Variants in ACCS observed in about 807,000 individuals in gnomAD.
The protein encoded by ACCS is 1-aminocyclopropane-1-carboxylate synthase-like protein 1.
Under a neutral mutation model 59.8 loss-of-function variants are expected in ACCS, and 42 were observed. That is an observed-to-expected ratio of 0.70 (90% CI 0.55 to 0.91). The LOEUF (loss-of-function observed/expected upper bound fraction) is 0.91. ACCS is among the 40% of genes least tolerant of loss of function. The probability of loss-of-function intolerance (pLI) is 0.00; values close to 1 mark genes in which losing one functional copy is unlikely to be tolerated. For missense variants in ACCS, 602 were observed against 630.4 expected (o/e 0.95, Z 0.48); for synonymous variants, 230 against 240.3 (o/e 0.96, Z 0.40).
rs764329676 is a variant in ACCS, at chr11:44,075,504, C to A, written c.490-22C>A. ...ACTCCTGGAACTGGTTCATCTTCAT[C>A]CCTTGGATATGTCGCCCTTAGGTGG... On this transcript the variant is annotated intron_variant, in intron 5 of 14. Transcript: ENST00000263776. 52 of 1,612,994 alleles carry A rather than the reference C, an allele frequency of 3.2e-5. 1 individual carries two copies. In the Middle Eastern group the frequency reaches 4.9e-4, roughly 15 times the overall value.
At chr11:44,070,459 A>T (rs1487692611) in intron 2 of ACCS, among the ~76,000 whole-genome samples, 2 of 152,146 alleles carry the variant, frequency 1.3e-5, no homozygotes, top group African/African-American at 4.8e-5. Context: ...CAGCTTGCTT[A>T]CCAGGTCGTG....
intron 2 of ACCS, among the ~76,000 whole-genome samples, chr11:44,070,182 T>G (rs1348149329): frequency 6.6e-6 from 1 of 152,068 alleles, no homozygotes. Context: ...CAAAGTGGAA[T>G]AGGAGGTATT....
intron 4 of ACCS, 148 bp downstream of exon 4, chr11:44,073,665 C>A: frequency 1.4e-6 from 1 of 718,854 alleles, no homozygotes; most frequent in Non-Finnish European, 2.2e-6. Flanking sequence ...CTACAATGTA[C>A]AGGACAGCCC....
intron 7 of ACCS, chr11:44,077,634 C>G: frequency 7.0e-7 from 1 of 1,436,720 alleles, no homozygotes; most frequent in Non-Finnish European, 9.1e-7. Flanking sequence ...CAGGGTAGAC[C>G]TAAGCATGAC....
At chr11:44,070,090 T>C (rs1182404858) in intron 2 of ACCS, among the ~76,000 whole-genome samples, 1 of 152,018 alleles carries the variant, frequency 6.6e-6, no homozygotes, top group African/African-American at 2.4e-5. Context: ...GGGCAGGCGA[T>C]GGGGTCAGAA....
At chr11:44,081,133 T>C in intron 11 of ACCS, 46 bp from the exon 12 acceptor site, 4 of 1,614,164 alleles carry the variant, frequency 2.5e-6, no homozygotes, top group Admixed American at 1.7e-5. Flanking sequence ...GGAACCAGCT[T>C]CCTCCATGGA....
intron 4 of ACCS, 51 bp from the exon 5 acceptor site, chr11:44,074,561 C>T: frequency 7.0e-7 from 1 of 1,431,392 alleles, no homozygotes; most frequent in South Asian, 1.1e-5. Context: ...TCAGGATGCA[C>T]CGTGGGTTGG....
At chr11:44,068,050 C>G in intron 2 of ACCS, 135 bp downstream of exon 2, 1 of 979,604 alleles carries the variant, frequency 1.0e-6, no homozygotes, top group South Asian at 1.8e-5. Context: ...AAGAGGGCTT[C>G]TGATGTAGCT....
chr11:44,067,825 A>G lies in ACCS; in HGVS notation c.198A>G (p.Arg66=), dbSNP rs1952862665. The part of the protein sequence containing the change: ...ISSDTSYLSS[R]GRMIKWFWDS... ...CTGATACCTCCTACCTGTCCTCTAG[A>G]GGAAGAATGATTAAATGGTTCTGGG... Residue 66 remains arginine (R), a synonymous_variant, in exon 2 of 15, where the codon AGA becomes AGG. Coordinates refer to ENST00000263776, the MANE Select transcript of ACCS (RefSeq NM_032592.4). The G allele has an allele frequency of 6.2e-7, 1 of 1,614,088 alleles. No individual in the cohort carries two copies. Among genetic ancestry groups the G allele is most frequent in the Non-Finnish European group, 8.5e-7 (1 of 1,180,000 alleles).
At chr11:44,079,294 C>G in intron 9 of ACCS, 2 of 506,798 alleles carry the variant, frequency 3.9e-6, no homozygotes, top group East Asian at 3.4e-5. Flanking sequence ...ATGGAGGTGC[C>G]CGGGAGATCC....
At position 44,083,518 on chromosome 11, in the gene ACCS, G is replaced by A. The variant is rs1049267282; in HGVS notation, c.1349G>A (p.Cys450Tyr). ...VLLSFGKAFE[C>Y]KEPGWFRFVF... ...CTGTCCTTTGGCAAGGCCTTCGAGT[G>A]TAAAGAGCCTGGTTGGTTTCGCTTT... Residue 450 changes from cysteine to tyrosine, a missense_variant, in exon 14 of 15, where the codon TGT becomes TAT. Physicochemically the swap from Cys to Tyr is radical, Grantham distance 194. Transcript: ENST00000263776. The A allele has an allele frequency of 1.1e-5, 17 of 1,614,146 alleles. No homozygotes were observed. The East Asian group carries it at 3.3e-4, about 32-fold the overall frequency.
rs139890150 is a variant in ACCS, at chr11:44,080,297, C to T, written c.923+677C>T. Among the ~76,000 whole-genome samples the T allele has an allele frequency of 4.4e-3, 667 of 152,232 alleles. 1 individual carries two copies. Among genetic ancestry groups the T allele is most frequent in the African/African-American group, 0.015 (617 of 41,534 alleles). On this transcript the variant is annotated intron_variant, in intron 10 of 14. Coordinates refer to ENST00000263776, the MANE Select transcript of ACCS (RefSeq NM_032592.4). ...TCACCTTCAGGGGTTCTAACAGTTC[C>T]GGCTGTTTGTTCAGAACCTTCAGCC...
rs201536346 is a variant in ACCS, at chr11:44,083,513, C to T, written c.1344C>T (p.Phe448=). 13 of 1,614,106 alleles carry T rather than the reference C, an allele frequency of 8.1e-6. No homozygotes were observed. Among genetic ancestry groups the T allele is most frequent in the East Asian group, 2.2e-5 (1 of 44,890 alleles). ...NKVLLSFGKA[F]ECKEPGWFRF... is the part of the protein sequence containing the mutation. ...TGCTGCTGTCCTTTGGCAAGGCCTT[C>T]GAGTGTAAAGAGCCTGGTTGGTTTC... Residue 448 remains phenylalanine, a synonymous_variant, in exon 14 of 15, where the codon TTC becomes TTT. Transcript: ENST00000263776.
At chr11:44,078,187 C>G in intron 8 of ACCS, 1 of 477,754 alleles carries the variant, frequency 2.1e-6, no homozygotes, top group East Asian at 3.6e-5. Context: ...CATCCCTGAT[C>G]CATCTGATTA....
chr11:44,081,244 C>T lies in ACCS; in HGVS notation c.1035C>T (p.Ala345=), dbSNP rs3213455. ...CAGAAAACCAGGATGTGGCCACTGC[C>T]GTGGCTTCCCTCTGCCGCTACCACG... ...LYTENQDVAT[A]VASLCRYHGL... The change falls in exon 12 of 15, where the codon GCC becomes GCT. Residue 345 remains alanine (A), a synonymous_variant. Transcript: ENST00000263776. 2.2e-3 allele frequency: 3,552 copies of T among 1,614,238 alleles called. 39 individuals carry two copies. The highest frequency in any genetic ancestry group is 0.022 in the African/African-American group (1,647 of 75,062).
chr11:44,076,813 G>A (rs993804841), intron 6 of ACCS, among the ~76,000 whole-genome samples: 6 of 152,222 alleles, frequency 3.9e-5, no homozygotes, highest in African/African-American at 1.4e-4. Flanking sequence ...AGGTTTAATG[G>A]ATTCACAGTT....
intron 5 of ACCS, among the ~76,000 whole-genome samples, chr11:44,074,886 G>T (rs1321147437): frequency 6.9e-6 from 1 of 144,830 alleles, no homozygotes; most frequent in Non-Finnish European, 1.5e-5. Context: ...ATGTAATGGT[G>T]CCATCTTGGC....
chr11:44,068,037 T>A lies in ACCS; in HGVS notation c.288+122T>A, dbSNP rs573234328. The A allele has an allele frequency of 1.7e-4, 191 of 1,093,632 alleles. 1 individual carries two copies. The South Asian group carries it at 2.4e-3, about 14-fold the overall frequency. The allele number at this position is 1,093,632 out of a possible 1,614,324, so 67.7% of individuals were successfully genotyped here. Reference sequence around the variant, plus strand: ...AGGTTGGAGTTATGGTACTCTGACCTCCAAGAGGGCTTCTGATGTAGCTTA... The same window carrying A: ...AGGTTGGAGTTATGGTACTCTGACCACCAAGAGGGCTTCTGATGTAGCTTA... On this transcript the variant is annotated intron_variant, in intron 2 of 14. Transcript: ENST00000263776.
intron 4 of ACCS, among the ~76,000 whole-genome samples, chr11:44,074,213 C>T (rs575495351): frequency 1.4e-4 from 21 of 151,094 alleles, no homozygotes; most frequent in East Asian, 7.8e-4. Flanking sequence ...TAGTAGTAGC[C>T]GCATCATAGG....
Sources: gnomAD v4.1 joint callset for allele counts (sites outside exome capture counted in the v4.1 genomes callset) on GRCh38, gnomAD v4.1.1 for gene constraint, MANE v1.5 for transcripts, NCBI Gene and HGNC (gene_info 2026-07-23, HGNC 2026-07-21) for gene names.